The following RAD17 variants were observed in gnomAD, a reference collection of about 807,000 sequenced individuals.
RAD17 encodes cell cycle checkpoint protein RAD17.
RAD17 carries 31 observed loss-of-function variants against 81.5 expected under a neutral mutation model. That is an observed-to-expected ratio of 0.38 (90% CI 0.29 to 0.51). RAD17 has a LOEUF of 0.51. Among genes scored for constraint, RAD17 ranks in the 20% least tolerant of loss-of-function variants. The probability of loss-of-function intolerance (pLI) is 0.88; values close to 1 mark genes in which losing one functional copy is unlikely to be tolerated. For missense variants in RAD17, 681 were observed against 781.2 expected, an observed-to-expected ratio of 0.87 and a Z score of 1.53; for synonymous variants, 261 against 266.2, an observed-to-expected ratio of 0.98 and a Z score of 0.19.
chr5:69,390,068 A>G (rs1764453748), intron 12 of RAD17, among the ~76,000 whole-genome samples: 2 of 152,222 alleles, frequency 1.3e-5, no homozygotes, highest in South Asian at 4.1e-4. Context: ...GTAAAAAGAT[A>G]GTTTCACTAA....
Position 69,371,167 on chromosome 5 carries a change from A to G in RAD17, c.-284A>G, listed in dbSNP as rs17229803. 1 of 503,882 alleles carries G rather than the reference A, an allele frequency of 2.0e-6. No homozygotes were observed. Among genetic ancestry groups the G allele is most frequent in the South Asian group, 1.6e-5 (1 of 63,908 alleles). The allele number at this position is 503,882 out of a possible 1,614,324, so 31.2% of individuals were successfully genotyped here. ...AATAGAATTGCCTGATTTTAATGACAAAAGGTAAGTACATAGTATGTGTGG... is the reference window on the plus strand; with the variant it reads ...AATAGAATTGCCTGATTTTAATGACGAAAGGTAAGTACATAGTATGTGTGG... On this transcript the variant is annotated 5_prime_UTR_variant, in exon 2 of 19. Transcript: ENST00000354868.
chr5:69,389,155 G>T lies in RAD17; in HGVS notation c.1006+10G>T. 1 of 1,512,174 alleles carries T rather than the reference G, an allele frequency of 6.6e-7. No homozygotes were observed. The allele number at this position is 1,512,174 out of a possible 1,614,324, so 93.7% of individuals were successfully genotyped here. A position where few individuals can be genotyped will look rare whatever the true frequency, so the allele number is the denominator to read the frequency against. ...TTTTCTTCTTCAAAAGGTAACTATG[G>T]AAGATACAGTCATGTGGCATTATAT... is the stretch of plus-strand genomic sequence containing the variant. On this transcript the variant is annotated intron_variant, in intron 12 of 18. Transcript: ENST00000354868.
chr5:69,376,257 G>A (rs896227713), intron 6 of RAD17, among the ~76,000 whole-genome samples: 2 of 152,090 alleles, frequency 1.3e-5, no homozygotes, highest in Admixed American at 1.3e-4. Context: ...TCCATCAGTC[G>A]TCCACCTAAG....
chr5:69,407,203 A>G (rs1043741807), intron 17 of RAD17, among the ~76,000 whole-genome samples: 3 of 151,910 alleles, frequency 2.0e-5, no homozygotes, highest in Non-Finnish European at 4.4e-5. Context: ...GGGTTTTACT[A>G]TGTTGGCCAG....
At chr5:69,401,309 G>T (rs1013247873) in intron 17 of RAD17, among the ~76,000 whole-genome samples, 1 of 152,228 alleles carries the variant, frequency 6.6e-6, no homozygotes, top group African/African-American at 2.4e-5. Context: ...ACTCTTCTGT[G>T]GATGTAGAAA....
At position 69,369,861 on chromosome 5, in the gene RAD17, G is replaced by T; in HGVS notation, c.-489G>T. The stretch of plus-strand genomic sequence containing the variant: ...GCGTTGAGCCCGGGTAGGGCCAGGT[G>T]GCTGCCCTTTCACCTAGGGTAGTCC... On this transcript the variant is annotated 5_prime_UTR_variant, in exon 1 of 19. Transcript: ENST00000354868. The T allele has an allele frequency of 1.4e-6, 1 of 706,060 alleles. No homozygotes were observed. Among genetic ancestry groups the T allele is most frequent in the East Asian group, 2.8e-5 (1 of 35,946 alleles). The allele number at this position is 706,060 out of a possible 1,614,324, so 43.7% of individuals were successfully genotyped here. A position where few individuals can be genotyped will look rare whatever the true frequency, so the allele number is the denominator to read the frequency against.
intron 6 of RAD17, 116 bp from the exon 7 acceptor site, chr5:69,381,785 A>ATT: frequency 2.7e-6 from 2 of 742,234 alleles, no homozygotes; most frequent in South Asian, 4.4e-5. Context: ...ATGTGCTTAT[A>ATT]TGAGACATTC....
rs1765177457 is a variant in RAD17, at chr5:69,400,231, T to TA, written c.1693+62_1693+63insA. 39 of 1,168,840 alleles carry TA rather than the reference T, an allele frequency of 3.3e-5. No homozygotes were observed. The East Asian group carries it at 4.0e-4, about 12-fold the overall frequency. The allele number at this position is 1,168,840 out of a possible 1,614,324, so 72.4% of individuals were successfully genotyped here. A position where few individuals can be genotyped will look rare whatever the true frequency, so the allele number is the denominator to read the frequency against. On this transcript the variant is annotated intron_variant, in intron 17 of 18. Coordinates refer to ENST00000354868, the MANE Select transcript of RAD17 (RefSeq NM_133338.3). ...GGGTTTATTTATTTATTTATTTATT[T>TA]TATTTTTTTAGGGGGAGTCTCTACT... is the stretch of plus-strand genomic sequence containing the variant.
At chr5:69,403,373 A>G (rs1463222921) in intron 17 of RAD17, among the ~76,000 whole-genome samples, 4 of 152,054 alleles carry the variant, frequency 2.6e-5, no homozygotes, top group Non-Finnish European at 2.9e-5. Context: ...CAGGATATGT[A>G]TTTTTTTGGC....
At chr5:69,380,064 A>G (rs529873058) in intron 6 of RAD17, among the ~76,000 whole-genome samples, 2 of 152,020 alleles carry the variant, frequency 1.3e-5, no homozygotes, top group African/African-American at 4.8e-5. Context: ...TATTTTTAGT[A>G]GAGATGGGGT....
In RAD17 at chr5:69,372,083, ATAAT is replaced by A. The variant is rs1251180740; in HGVS notation, c.-124_-121del. 1 of 1,410,480 alleles carries A rather than the reference ATAAT, an allele frequency of 7.1e-7. No homozygotes were observed. The highest frequency in any genetic ancestry group is 9.5e-7 in the Non-Finnish European group (1 of 1,050,744). The allele number at this position is 1,410,480 out of a possible 1,614,324, so 87.4% of individuals were successfully genotyped here. The stretch of plus-strand genomic sequence containing the variant: ...AGAAATGAAACTATAAAATGTATAA[ATAAT>A]TTGCAAATCAGAATTGCTGTCGAAA... On this transcript the variant is annotated 5_prime_UTR_variant, in exon 4 of 19. It introduces an in-frame stop codon into an upstream open reading frame of the 5' UTR. Coordinates refer to ENST00000354868, the MANE Select transcript of RAD17 (RefSeq NM_133338.3).
chr5:69,375,030 C>T (rs934631396), intron 6 of RAD17, among the ~76,000 whole-genome samples: 1 of 152,106 alleles, frequency 6.6e-6, no homozygotes, highest in Admixed American at 6.6e-5. Context: ...GTGGGAGGAT[C>T]GCCTGAGCCC....
Position 69,402,317 on chromosome 5 carries a change from C to T in RAD17, c.1693+2148C>T, listed in dbSNP as rs1211451635. On this transcript the variant is annotated intron_variant, in intron 17 of 18. Transcript: ENST00000354868. ...CTGCCCACCTCGGACTCCCAAAGTGCGGAATTACAGGCGTGAGCCACCGCG... is the reference window on the plus strand; with the variant it reads ...CTGCCCACCTCGGACTCCCAAAGTGTGGAATTACAGGCGTGAGCCACCGCG... Among the ~76,000 whole-genome samples, 9 of 151,696 alleles carry T rather than the reference C, an allele frequency of 5.9e-5. No individual in the cohort carries two copies. In the South Asian group the frequency reaches 1.7e-3, roughly 28 times the overall value.
At chr5:69,379,938 TG>T (rs1480832613) in intron 6 of RAD17, among the ~76,000 whole-genome samples, 1 of 151,910 alleles carries the variant, frequency 6.6e-6, no homozygotes, top group East Asian at 1.9e-4. Context: ...TGGAGTGCAG[TG>T]GTGCAATTTT....
Position 69,392,019 on chromosome 5 carries a change from A to G in RAD17, c.1189+6A>G. The G allele has an allele frequency of 2.0e-6, 3 of 1,508,300 alleles. No homozygotes were observed. Among genetic ancestry groups the G allele is most frequent in the Non-Finnish European group, 2.7e-6 (3 of 1,128,682 alleles). 93.4% of individuals were successfully genotyped at this position (1,508,300 alleles called of 1,614,324 possible). On this transcript the variant is annotated splice_donor_region_variant and intron_variant, in intron 13 of 18. Transcript: ENST00000354868. Reference sequence around the variant, plus strand: ...GAAAATTCTATATTGTAAAAGTAAGAAATTTTTACACTTTTAAAATCTGTT... The same window carrying G: ...GAAAATTCTATATTGTAAAAGTAAGGAATTTTTACACTTTTAAAATCTGTT...
intron 17 of RAD17, among the ~76,000 whole-genome samples, chr5:69,401,174 C>T (rs1765242246): frequency 2.0e-5 from 3 of 152,210 alleles, no homozygotes; most frequent in Non-Finnish European, 2.9e-5. Flanking sequence ...GGCCATTGCA[C>T]TCCAGCCTGG....
At chr5:69,370,296 T>C (rs1762859524) in intron 1 of RAD17, 1 of 152,538 alleles carries the variant, frequency 6.6e-6, no homozygotes, top group South Asian at 2.0e-4. Context: ...TAATTGTCAA[T>C]CTTGTTTTCA....
intron 8 of RAD17, 52 bp downstream of exon 8, chr5:69,384,985 G>A: frequency 7.1e-7 from 1 of 1,404,684 alleles, no homozygotes; most frequent in South Asian, 1.4e-5. Flanking sequence ...ATGGAGTCTT[G>A]CTGTGTCACT....
chr5:69,381,182 A>C (rs1387591969), intron 6 of RAD17, among the ~76,000 whole-genome samples: 3 of 152,134 alleles, frequency 2.0e-5, no homozygotes, highest in Non-Finnish European at 4.4e-5. Flanking sequence ...TGAGATGTCT[A>C]TATTAAGAAT....
Sources: allele counts gnomAD v4.1 joint callset (sites outside exome capture counted in the v4.1 genomes callset), GRCh38; gene constraint gnomAD v4.1.1; transcripts MANE v1.5; gene names NCBI Gene and HGNC (gene_info 2026-07-23, HGNC 2026-07-21).